Variants in PARD3B observed in about 807,000 individuals in gnomAD.
The protein encoded by PARD3B is partitioning defective 3 homolog B.
In PARD3B, 103 loss-of-function variants were observed where a neutral mutation model predicts 130.2. The ratio of observed to expected loss-of-function variants is 0.79; its 90% CI spans 0.67 to 0.93. The LOEUF (loss-of-function observed/expected upper bound fraction) is 0.93, where lower values mean the gene tolerates loss of function less well. Ranked by LOEUF, PARD3B falls within the 40% of genes least tolerant of loss-of-function variation. The pLI is 0.00. For synonymous variants in PARD3B, 583 were observed against 553.2 expected (o/e 1.05, Z -0.76); for missense variants, 1,609 against 1,499.2 (o/e 1.07, Z -1.21).
rs569111058 is a variant in PARD3B, at chr2:204,694,621, G to A, written c.222+8339G>A. Among the ~76,000 whole-genome samples, 3 of 152,004 alleles carry A rather than the reference G, an allele frequency of 2.0e-5. No homozygotes were observed. The South Asian group carries it at 6.2e-4, about 32-fold the overall frequency. ...TATTTTATTAGGAGACAGTTTGTGGGCATGTTTCAACCTCAGAGAAGAATT... is the reference window on the plus strand; with the variant it reads ...TATTTTATTAGGAGACAGTTTGTGGACATGTTTCAACCTCAGAGAAGAATT... On this transcript the variant is annotated intron_variant, in intron 2 of 22. Transcript: ENST00000406610.
chr2:205,235,613 C>G (rs990594783), intron 15 of PARD3B, among the ~76,000 whole-genome samples: 2 of 152,090 alleles, frequency 1.3e-5, no homozygotes, highest in African/African-American at 4.8e-5. Flanking sequence ...TACACAGGTA[C>G]ATATACAGTG....
At chr2:204,547,267 T>G (rs144433600) in intron 1 of PARD3B, among the ~76,000 whole-genome samples, 3 of 152,208 alleles carry the variant, frequency 2.0e-5, no homozygotes, top group Admixed American at 2.0e-4. Flanking sequence ...TGAAGAATTA[T>G]TATACAGAAA....
In PARD3B at chr2:204,899,388, G is replaced by A. The variant is rs143943558; in HGVS notation, c.223-65764G>A. ...TATATTGTTCGTGAGTCTGTTGTAT[G>A]TTTTCTGATTTGAGGTTGCCATGAG... On this transcript the variant is annotated intron_variant, in intron 2 of 22. Coordinates refer to ENST00000406610, the MANE Select transcript of PARD3B (RefSeq NM_001302769.2). 5.0e-3 allele frequency among the ~76,000 whole-genome samples: 762 copies of A among 151,644 alleles called. 8 individuals carry two copies. Among genetic ancestry groups the A allele is most frequent in the African/African-American group, 0.017 (691 of 41,354 alleles).
chr2:205,472,361 G>C (rs2048865069), intron 20 of PARD3B, among the ~76,000 whole-genome samples: 1 of 150,540 alleles, frequency 6.6e-6, no homozygotes, highest in South Asian at 2.1e-4. Context: ...TAGCACCCAA[G>C]ACATACTTTT....
Position 205,102,934 on chromosome 2 carries a change from G to T in PARD3B, c.505-1492G>T, listed in dbSNP as rs564152993. ...AAAAGCAAAATTAGCCGGGTGTGGT[G>T]GTGGGCACCTGTAATCCCAGCCACT... On this transcript the variant is annotated intron_variant, in intron 4 of 22. Coordinates refer to ENST00000406610, the MANE Select transcript of PARD3B (RefSeq NM_001302769.2). Among the ~76,000 whole-genome samples, 27 of 152,042 alleles carry T rather than the reference G, an allele frequency of 1.8e-4. No homozygotes were observed. In the East Asian group the frequency reaches 2.3e-3, roughly 13 times the overall value.
At chr2:205,240,746 CTAATAGTCACTTAT>C (rs2039316162) in intron 15 of PARD3B, among the ~76,000 whole-genome samples, 5 of 152,136 alleles carry the variant, frequency 3.3e-5, no homozygotes, top group Non-Finnish European at 7.4e-5. Context: ...AGTGTAGTCC[CTAATAGTCACTTAT>C]GTTATAGAAT....
intron 21 of PARD3B, among the ~76,000 whole-genome samples, chr2:205,515,291 G>A (rs1425291732): frequency 1.3e-5 from 2 of 152,128 alleles, no homozygotes; most frequent in East Asian, 3.8e-4. Flanking sequence ...TGTGAATAGT[G>A]CTGCAATAAA....
At chr2:205,272,953 T>G (rs764268478) in intron 16 of PARD3B, among the ~76,000 whole-genome samples, 5 of 152,220 alleles carry the variant, frequency 3.3e-5, no homozygotes, top group Non-Finnish European at 7.3e-5. Flanking sequence ...CTATTTGGCA[T>G]AAACAATAAG....
chr2:204,666,029 A>G lies in PARD3B; in HGVS notation c.121-20152A>G, dbSNP rs184719168. Among the ~76,000 whole-genome samples the G allele has an allele frequency of 1.6e-4, 24 of 152,320 alleles. No individual in the cohort carries two copies. In the East Asian group the frequency reaches 4.2e-3, roughly 27 times the overall value. On this transcript the variant is annotated intron_variant, in intron 1 of 22. Transcript: ENST00000406610. ...GGTACTAACCATTCTTTGTCTGAAT[A>G]TGATGATCTTTTCCATGCAGCAGTC...
chr2:205,444,800 A>G (rs969911834), intron 20 of PARD3B, among the ~76,000 whole-genome samples: 6 of 152,226 alleles, frequency 3.9e-5, no homozygotes, highest in Non-Finnish European at 5.9e-5. Context: ...TAAAACAAAG[A>G]CAAAGATGTT....
chr2:204,617,493 C>T (rs575032050), intron 1 of PARD3B, among the ~76,000 whole-genome samples: 1 of 152,250 alleles, frequency 6.6e-6, no homozygotes, highest in Non-Finnish European at 1.5e-5. Flanking sequence ...ATAAGCCAAG[C>T]CAAGGCAACT....
At chr2:204,872,519 A>C (rs1012777657) in intron 2 of PARD3B, among the ~76,000 whole-genome samples, 1 of 151,974 alleles carries the variant, frequency 6.6e-6, no homozygotes, top group African/African-American at 2.4e-5. Context: ...TCAGCTTTTT[A>C]TTGAGCTAGC....
intron 10 of PARD3B, among the ~76,000 whole-genome samples, chr2:205,145,997 A>C (rs1222552325): frequency 6.6e-6 from 1 of 152,160 alleles, no homozygotes. Context: ...CTAAATGGGC[A>C]CAGCCTTGGG....
At chr2:205,157,267 C>T (rs887994093) in intron 10 of PARD3B, among the ~76,000 whole-genome samples, 4 of 152,022 alleles carry the variant, frequency 2.6e-5, no homozygotes, top group Non-Finnish European at 4.4e-5. Flanking sequence ...ACATTTAGTA[C>T]GAAACTCTGG....
intron 2 of PARD3B, among the ~76,000 whole-genome samples, chr2:204,740,349 A>G (rs971841262): frequency 6.6e-6 from 1 of 152,108 alleles, no homozygotes; most frequent in African/African-American, 2.4e-5. Flanking sequence ...TCTTCGGCAC[A>G]TTTATTTTCT....
At position 205,146,752 on chromosome 2, in the gene PARD3B, G is replaced by T. The variant is rs1407414914; in HGVS notation, c.1435-11970G>T. ...TTTTTGTTTTTTTGTTTTTAAGATG[G>T]AGTCTCACTCTGTTGCCCAGGGTGG... On this transcript the variant is annotated intron_variant, in intron 10 of 22. Transcript: ENST00000406610. The surrounding 1 kb of genome is among the most constrained non-coding windows in gnomAD (Gnocchi z 4.3). 6.6e-6 allele frequency among the ~76,000 whole-genome samples: 1 copy of T among 151,762 alleles called. No homozygotes were observed.
chr2:205,139,674 GAGAT>G (rs1458863090), intron 10 of PARD3B, among the ~76,000 whole-genome samples: 3 of 152,056 alleles, frequency 2.0e-5, no homozygotes, highest in African/African-American at 7.2e-5. Flanking sequence ...ATATCATAAA[GAGAT>G]AGAAGTGTAC....
At chr2:205,100,690 T>C (rs1368245299) in intron 4 of PARD3B, among the ~76,000 whole-genome samples, 1 of 152,120 alleles carries the variant, frequency 6.6e-6, no homozygotes, top group Non-Finnish European at 1.5e-5. Flanking sequence ...TACCCTTACA[T>C]TTTTGGAAAA....
rs760246356 is a variant in PARD3B at position 204,664,809 on chromosome 2, T to C, written c.121-21372T>C. 5.3e-5 allele frequency among the ~76,000 whole-genome samples: 8 copies of C among 152,210 alleles called. No homozygotes were observed. The highest frequency in any genetic ancestry group is 8.8e-5 in the Non-Finnish European group (6 of 68,040). ...TCTTCTGAGCTCATTAGTGAATGCA[T>C]ACAGGATGAGGTAGCCTGAAACAGT... On this transcript the variant is annotated intron_variant, in intron 1 of 22. Transcript: ENST00000406610. The surrounding 1 kb of genome is among the most constrained non-coding windows in gnomAD (Gnocchi z 5.2).
Sources: gnomAD v4.1 joint callset for allele counts (sites outside exome capture counted in the v4.1 genomes callset) on GRCh38, gnomAD v4.1.1 for gene constraint, Gnocchi (gnomAD v3.1) non-coding constraint, MANE v1.5 for transcripts, NCBI Gene and HGNC (gene_info 2026-07-23, HGNC 2026-07-21) for gene names.